The following NCKAP5 variants were observed in gnomAD, a reference collection of about 807,000 sequenced individuals.
NCKAP5 encodes nck-associated protein 5.
NCKAP5 carries 92 observed loss-of-function variants against 167.0 expected under a neutral mutation model. That is an observed-to-expected ratio of 0.55 (90% CI 0.47 to 0.66). NCKAP5 has a LOEUF of 0.66. Ranked by LOEUF, NCKAP5 falls within the 30% of genes least tolerant of loss-of-function variation. The probability of loss-of-function intolerance (pLI) is 0.00; values close to 1 mark genes in which losing one functional copy is unlikely to be tolerated. For missense variants in NCKAP5, 2,378 were observed against 2,315.0 expected (o/e 1.03, Z -0.56); for synonymous variants, 891 against 877.4 (o/e 1.02, Z -0.27).
At chr2:132,924,206 TA>T (rs1211030811) in intron 8 of NCKAP5, among the ~76,000 whole-genome samples, 1 of 152,032 alleles carries the variant, frequency 6.6e-6, no homozygotes, top group Non-Finnish European at 1.5e-5. Flanking sequence ...AAAAAGCCAT[TA>T]TTCCACCCAG....
rs530990097 is a variant in NCKAP5, at chr2:133,508,917, A to G, written c.69+8541T>C. 8.6e-4 allele frequency among the ~76,000 whole-genome samples: 131 copies of G among 152,360 alleles called. 1 individual carries two copies. Among genetic ancestry groups the G allele is most frequent in the African/African-American group, 3.0e-3 (123 of 41,588 alleles). On this transcript the variant is annotated intron_variant, in intron 3 of 19. Coordinates refer to ENST00000409261, the MANE Select transcript of NCKAP5 (RefSeq NM_207363.3). ...TTTCATCATCTGTCAATAACATAGC[A>G]TTTATAAAAGGCTTTCAAAATGTGT...
chr2:133,224,366 G>A (rs903794253), intron 4 of NCKAP5, among the ~76,000 whole-genome samples: 13 of 152,308 alleles, frequency 8.5e-5, no homozygotes, highest in African/African-American at 2.6e-4. Context: ...TCACTGACTT[G>A]AGGCAAGATT....
At chr2:133,658,568 G>A in the NCKAP5 span, among the ~76,000 whole-genome samples, 1 of 152,116 alleles carries the variant, frequency 6.6e-6, no homozygotes, top group Non-Finnish European at 1.5e-5. Context: ...GATACAGAGA[G>A]TGGGCACACA....
intron 3 of NCKAP5, among the ~76,000 whole-genome samples, chr2:133,388,706 T>C (rs1687176956): frequency 6.6e-6 from 1 of 152,208 alleles, no homozygotes; most frequent in Non-Finnish European, 1.5e-5. Context: ...TCCCGGCCAC[T>C]TTGTTTACCT....
intron 3 of NCKAP5, among the ~76,000 whole-genome samples, chr2:133,343,789 G>A (rs755741166): frequency 2.6e-5 from 4 of 152,294 alleles, no homozygotes; most frequent in South Asian, 2.1e-4. Context: ...AATTCACGTC[G>A]CCATAAGCAG....
chr2:133,672,527 C>T, the NCKAP5 span, among the ~76,000 whole-genome samples: 1 of 152,194 alleles, frequency 6.6e-6, no homozygotes, highest in Non-Finnish European at 1.5e-5. Flanking sequence ...AAAACAGGTT[C>T]TTCACCACAG....
the NCKAP5 span, among the ~76,000 whole-genome samples, chr2:133,621,714 A>C: frequency 2.0e-5 from 3 of 152,152 alleles, no homozygotes; most frequent in African/African-American, 7.2e-5. Flanking sequence ...TACAAACAAG[A>C]ATTGGTAACA....
chr2:132,793,835 C>T (rs764680678), intron 12 of NCKAP5, among the ~76,000 whole-genome samples: 1 of 152,186 alleles, frequency 6.6e-6, no homozygotes, highest in Non-Finnish European at 1.5e-5. Flanking sequence ...CCACTTCCCC[C>T]ACCTTGGAAA....
intron 4 of NCKAP5, among the ~76,000 whole-genome samples, chr2:133,279,970 T>C (rs1005338114): frequency 1.3e-5 from 2 of 152,206 alleles, no homozygotes; most frequent in African/African-American, 4.8e-5. Flanking sequence ...AAAGGTTCAT[T>C]ACTTCAATTT....
intron 19 of NCKAP5, among the ~76,000 whole-genome samples, chr2:132,693,223 T>C (rs1384756953): frequency 6.6e-6 from 1 of 152,188 alleles, no homozygotes; most frequent in African/African-American, 2.4e-5. Context: ...AAAAGATACG[T>C]TGAAGTTCTA....
intron 3 of NCKAP5, among the ~76,000 whole-genome samples, chr2:133,320,254 A>G (rs1181314584): frequency 6.6e-6 from 1 of 152,188 alleles, no homozygotes; most frequent in Non-Finnish European, 1.5e-5. Flanking sequence ...GAATATCTCT[A>G]AAGTCTAATT....
chr2:132,698,187 G>GT (rs1164890328), intron 19 of NCKAP5, among the ~76,000 whole-genome samples: 2 of 152,096 alleles, frequency 1.3e-5, no homozygotes, highest in Non-Finnish European at 1.5e-5. Context: ...AAATCTGATG[G>GT]TTTTTTTGGT....
intron 4 of NCKAP5, among the ~76,000 whole-genome samples, chr2:133,292,024 G>A (rs749016588): frequency 1.3e-5 from 2 of 152,282 alleles, no homozygotes; most frequent in Non-Finnish European, 2.9e-5. Context: ...AAGGAGAGTG[G>A]AGGTAGGGTA....
At chr2:133,650,970 A>G in the NCKAP5 span, among the ~76,000 whole-genome samples, 2 of 152,228 alleles carry the variant, frequency 1.3e-5, no homozygotes, top group Non-Finnish European at 2.9e-5. Context: ...AAAACTGGAT[A>G]TTCACAGGCA....
At chr2:133,174,869 G>C (rs2084394046) in intron 5 of NCKAP5, among the ~76,000 whole-genome samples, 1 of 152,100 alleles carries the variant, frequency 6.6e-6, no homozygotes, top group South Asian at 2.1e-4. Context: ...CACCACCGCA[G>C]ATGCATCATG....
At chr2:133,432,423 A>C (rs1335783356) in intron 3 of NCKAP5, among the ~76,000 whole-genome samples, 1 of 152,186 alleles carries the variant, frequency 6.6e-6, no homozygotes, top group Non-Finnish European at 1.5e-5. Context: ...GGATCACTGA[A>C]GTGCTTTGAG....
At chr2:132,738,924 A>G (rs1691773967) in intron 16 of NCKAP5, among the ~76,000 whole-genome samples, 1 of 152,146 alleles carries the variant, frequency 6.6e-6, no homozygotes, top group Non-Finnish European at 1.5e-5. Flanking sequence ...CCCATGACCC[A>G]AACACCCCCA....
chr2:132,898,425 A>AT, intron 8 of NCKAP5, among the ~76,000 whole-genome samples: 1 of 152,262 alleles, frequency 6.6e-6, no homozygotes, highest in South Asian at 2.1e-4. Flanking sequence ...TAATGTTTAT[A>AT]TTTTGACCTT....
At chr2:133,227,763 C>T (rs1320238092) in intron 4 of NCKAP5, among the ~76,000 whole-genome samples, 1 of 152,148 alleles carries the variant, frequency 6.6e-6, no homozygotes, top group Non-Finnish European at 1.5e-5. Flanking sequence ...AGCTTTGTAT[C>T]CTGTTTAGAT....
Sources: allele counts gnomAD v4.1 joint callset (sites outside exome capture counted in the v4.1 genomes callset), GRCh38; gene constraint gnomAD v4.1.1; transcripts MANE v1.5; gene names NCBI Gene and HGNC (gene_info 2026-07-23, HGNC 2026-07-21).